The following MGAT4C variants were observed in gnomAD, a reference collection of about 807,000 sequenced individuals.
The protein encoded by MGAT4C is MGAT4 family member C, also known as alpha-1,3-mannosyl-glycoprotein 4-beta-N-acetylglucosaminyltransferase C.
Under a neutral mutation model 40.1 loss-of-function variants are expected in MGAT4C, and 19 were observed. That is an observed-to-expected ratio of 0.47 (90% CI 0.33 to 0.70). The LOEUF is 0.70. Ranked by LOEUF, MGAT4C falls within the 30% of genes least tolerant of loss-of-function variation. MGAT4C has a pLI of 0.02. For missense variants in MGAT4C, 491 were observed against 563.2 expected, an observed-to-expected ratio of 0.87 and a Z score of 1.30; for synonymous variants, 181 against 187.1, an observed-to-expected ratio of 0.97 and a Z score of 0.27.
intron 1 of MGAT4C, among the ~76,000 whole-genome samples, chr12:86,199,546 A>G (rs1401892914): frequency 1.3e-5 from 2 of 152,052 alleles, no homozygotes; most frequent in Non-Finnish European, 2.9e-5. Flanking sequence ...TTTTATGTGT[A>G]TTTCATGCCC....
At chr12:86,534,401 C>T (rs1249278939) in intron 2 of MGAT4C, among the ~76,000 whole-genome samples, 1 of 152,102 alleles carries the variant, frequency 6.6e-6, no homozygotes, top group African/African-American at 2.4e-5. Context: ...GTATACCTTA[C>T]ATGTATTGAT....
At chr12:86,748,216 T>C (rs1251480388) in intron 1 of MGAT4C, among the ~76,000 whole-genome samples, 1 of 151,562 alleles carries the variant, frequency 6.6e-6, no homozygotes, top group Non-Finnish European at 1.5e-5. Context: ...GGCACACTAA[T>C]CTAGTCATTA....
intron 1 of MGAT4C, among the ~76,000 whole-genome samples, chr12:86,813,677 C>T (rs922373465): frequency 1.3e-5 from 2 of 151,998 alleles, no homozygotes; most frequent in African/African-American, 2.4e-5. Flanking sequence ...GGTTTTAACA[C>T]TTTACACTTT....
At chr12:86,101,334 G>A (rs866115221) in intron 1 of MGAT4C, among the ~76,000 whole-genome samples, 2 of 151,732 alleles carry the variant, frequency 1.3e-5, no homozygotes, top group African/African-American at 4.8e-5. Context: ...CACAGAGGGT[G>A]TCTATTAGTG....
At chr12:86,116,715 T>C (rs1046518499) in intron 1 of MGAT4C, among the ~76,000 whole-genome samples, 3 of 152,052 alleles carry the variant, frequency 2.0e-5, no homozygotes, top group Non-Finnish European at 2.9e-5. Flanking sequence ...AGATGGGGGA[T>C]GGGATGTAAT....
intron 1 of MGAT4C, among the ~76,000 whole-genome samples, chr12:86,073,623 G>A (rs1008992035): frequency 3.3e-5 from 5 of 152,006 alleles, no homozygotes; most frequent in Admixed American, 6.6e-5. Context: ...GAGTTAAGGC[G>A]ACTCTTTAAA....
chr12:86,058,901 C>T (rs1412594361), intron 1 of MGAT4C, among the ~76,000 whole-genome samples: 1 of 151,930 alleles, frequency 6.6e-6, no homozygotes, highest in African/African-American at 2.4e-5. Context: ...TACATGTATA[C>T]AAACATTTAC....
intron 1 of MGAT4C, among the ~76,000 whole-genome samples, chr12:86,098,735 T>A (rs79439698): frequency 0.011 from 1,598 of 151,748 alleles, 35 homozygotes; most frequent in African/African-American, 0.037. Flanking sequence ...ATACATAAAA[T>A]ATTTTGGTGC....
intron 1 of MGAT4C, among the ~76,000 whole-genome samples, chr12:86,808,935 C>CTTTGGTGATACAAAG (rs1952417785): frequency 6.6e-6 from 1 of 152,052 alleles, no homozygotes; most frequent in Admixed American, 6.6e-5. Flanking sequence ...TCACCAAAGT[C>CTTTGGTGATACAAAG]TCAGGATACA....
At chr12:86,730,237 C>T (rs1298818005) in intron 1 of MGAT4C, among the ~76,000 whole-genome samples, 4 of 151,912 alleles carry the variant, frequency 2.6e-5, no homozygotes, top group Non-Finnish European at 5.9e-5. Flanking sequence ...ATGTCAACTG[C>T]TACTTGATAG....
chr12:86,309,495 C>T (rs1954016994), intron 4 of MGAT4C, among the ~76,000 whole-genome samples: 1 of 152,160 alleles, frequency 6.6e-6, no homozygotes, highest in African/African-American at 2.4e-5. Context: ...GGGGGGCAAA[C>T]TCATCCTTTA....
At chr12:86,256,112 A>G (rs1489165223) in intron 1 of MGAT4C, 127 bp downstream of exon 1, 1 of 152,100 alleles carries the variant, frequency 6.6e-6, no homozygotes, top group Non-Finnish European at 1.5e-5. Flanking sequence ...AGTCCTTTAA[A>G]TAATGATAAA....
chr12:86,240,642 C>T (rs557419187), intron 1 of MGAT4C, among the ~76,000 whole-genome samples: 21 of 152,076 alleles, frequency 1.4e-4, no homozygotes, highest in Non-Finnish European at 2.8e-4. Flanking sequence ...TTATTTGTCC[C>T]TCCAGCCCCT....
intron 2 of MGAT4C, among the ~76,000 whole-genome samples, chr12:86,612,565 C>G (rs1398715755): frequency 6.6e-6 from 1 of 151,970 alleles, no homozygotes; most frequent in Admixed American, 6.6e-5. Flanking sequence ...GCCTGGCCAA[C>G]ATGGTGAAAC....
chr12:86,712,553 A>G (rs766259594), intron 2 of MGAT4C, among the ~76,000 whole-genome samples: 13 of 152,244 alleles, frequency 8.5e-5, no homozygotes, highest in African/African-American at 1.7e-4. Context: ...TTGACAAAGC[A>G]TTTATGCCAT....
chr12:86,768,740 C>T (rs1307867956), intron 1 of MGAT4C, among the ~76,000 whole-genome samples: 1 of 152,102 alleles, frequency 6.6e-6, no homozygotes, highest in Non-Finnish European at 1.5e-5. Flanking sequence ...TGATCTTTGA[C>T]AAACCTGAGA....
chr12:86,390,174 A>T (rs944285111), intron 3 of MGAT4C, among the ~76,000 whole-genome samples: 1 of 152,138 alleles, frequency 6.6e-6, no homozygotes, highest in Non-Finnish European at 1.5e-5. Flanking sequence ...CTCAGAAGAG[A>T]CACTGTTGAC....
At position 86,774,350 on chromosome 12, in the gene MGAT4C, TC is replaced by T. The variant is rs1565981746; in HGVS notation, c.-261-47110del. Reference sequence around the variant, plus strand: ...TTCTTTCTTTCTTTCTGTCTCTCTCTCTCCCCTCTCTCTCTCTCTCTTTCTG... The same window carrying T: ...TTCTTTCTTTCTTTCTGTCTCTCTCTTCCCCTCTCTCTCTCTCTCTTTCTG... On this transcript the variant is annotated intron_variant, in intron 1 of 7. Coordinates refer to the MGAT4C transcript ENST00000548651. Among the ~76,000 whole-genome samples, 193 of 84,190 alleles carry T rather than the reference TC, an allele frequency of 2.3e-3. 1 individual carries two copies. Among genetic ancestry groups the T allele is most frequent in the Non-Finnish European group, 3.1e-3 (118 of 38,502 alleles). 55.2% of individuals were successfully genotyped at this position (84,190 alleles called of 152,430 possible). A position where few individuals can be genotyped will look rare whatever the true frequency, so the allele number is the denominator to read the frequency against.
At chr12:86,085,515 A>G (rs1208789493) in intron 1 of MGAT4C, among the ~76,000 whole-genome samples, 1 of 152,014 alleles carries the variant, frequency 6.6e-6, no homozygotes, top group African/African-American at 2.4e-5. Context: ...ATGATTGTAG[A>G]TGTGTTGTGT....
Sources: gnomAD v4.1 joint callset for allele counts (sites outside exome capture counted in the v4.1 genomes callset) on GRCh38, gnomAD v4.1.1 for gene constraint, MANE v1.5 for transcripts, NCBI Gene and HGNC (gene_info 2026-07-23, HGNC 2026-07-21) for gene names.